DNAAF10: variants seen among roughly 807,000 people sequenced by gnomAD.
The protein encoded by DNAAF10 is WD repeat domain 92.
Under a neutral mutation model 43.7 loss-of-function variants are expected in DNAAF10, and 28 were observed. That is an observed-to-expected ratio of 0.64 (90% CI 0.48 to 0.88). DNAAF10 has a LOEUF of 0.88. DNAAF10 is among the 40% of genes least tolerant of loss of function. The pLI, the probability that DNAAF10 is intolerant of heterozygous loss-of-function variation, is 0.00. For synonymous variants in DNAAF10, 156 were observed against 157.3 expected, an observed-to-expected ratio of 0.99 and a Z score of 0.06; for missense variants, 403 against 439.1, an observed-to-expected ratio of 0.92 and a Z score of 0.73.
chr2:68,140,449 T>C (rs1223620059), intron 4 of DNAAF10, among the ~76,000 whole-genome samples: 2 of 152,230 alleles, frequency 1.3e-5, no homozygotes, highest in Non-Finnish European at 2.9e-5. Context: ...TATCCTTTTC[T>C]TTGTTCTTCA....
Position 68,157,374 on chromosome 2 carries a change from A to G in DNAAF10, c.70T>C (p.Cys24Arg), listed in dbSNP as rs1185827487. ...TTGGCGCTGCAGGGCACCCACTTAC[A>G]GTCAAACACCGTGTAGTTGAAGCCC... ...QKGFNYTVFD[C>R]KWVPCSAKFV... The change falls in exon 1 of 8, where the codon TGT becomes CGT. Residue 24 changes from cysteine to arginine, a missense_variant. Physicochemically the swap from Cys to Arg is radical, Grantham distance 180. Transcript: ENST00000295121. 3 of 1,614,152 alleles carry G rather than the reference A, an allele frequency of 1.9e-6. No individual in the cohort carries two copies. Among genetic ancestry groups the G allele is most frequent in the Non-Finnish European group, 2.5e-6 (3 of 1,180,004 alleles).
intron 1 of DNAAF10, among the ~76,000 whole-genome samples, chr2:68,153,661 T>A (rs1673510414): frequency 6.6e-6 from 1 of 151,306 alleles, no homozygotes. Context: ...TGATGCACAG[T>A]AAGGAGTGGG....
intron 7 of DNAAF10, 77 bp from the exon 8 acceptor site, chr2:68,131,522 G>A (rs1373053755): frequency 2.2e-6 from 3 of 1,355,356 alleles, no homozygotes; most frequent in South Asian, 2.4e-5. Flanking sequence ...ACACTTCAAT[G>A]ACTCTATTTC....
intron 2 of DNAAF10, among the ~76,000 whole-genome samples, chr2:68,146,262 A>G (rs1572924115): frequency 6.6e-6 from 1 of 152,350 alleles, no homozygotes; most frequent in Non-Finnish European, 1.5e-5. Context: ...ACTCCATCTC[A>G]AAGACAAAAA....
intron 5 of DNAAF10, 84 bp downstream of exon 5, chr2:68,138,658 C>T (rs150246088): frequency 1.0e-6 from 1 of 980,488 alleles, no homozygotes; most frequent in African/African-American, 1.6e-5. Flanking sequence ...AGATGAGTTA[C>T]TAGAGGTGTT....
Position 68,147,477 on chromosome 2 carries a change from G to C in DNAAF10, c.274C>G (p.Leu92Val). ...YLATGDFGGN[L>V]HIWNLEAPEM... ...ACTAAATCATCTTACCATATATGAA[G>C]GTTTCCACCAAAATCTCCAGTAGCT... is the stretch of plus-strand genomic sequence containing the variant. Residue 92 changes from leucine to valine, a missense_variant, in exon 2 of 8, where the codon CTT (leucine) becomes GTT (valine). Coordinates refer to ENST00000295121, the MANE Select transcript of DNAAF10 (RefSeq NM_138458.4). The C allele has an allele frequency of 6.2e-7, 1 of 1,610,280 alleles. No individual in the cohort carries two copies.
intron 1 of DNAAF10, chr2:68,156,919 G>T: frequency 3.0e-6 from 1 of 336,384 alleles, no homozygotes; most frequent in Non-Finnish European, 5.5e-6. Context: ...TGAGATGGGG[G>T]ACATTACCAT....
At chr2:68,134,564 A>G in intron 7 of DNAAF10, 138 bp downstream of exon 7, 1 of 1,503,496 alleles carries the variant, frequency 6.7e-7, no homozygotes, top group Non-Finnish European at 8.8e-7. Context: ...AAAACAAGTT[A>G]TGTAACACCA....
intron 1 of DNAAF10, among the ~76,000 whole-genome samples, chr2:68,150,566 C>T (rs755443610): frequency 8.6e-5 from 13 of 151,928 alleles, no homozygotes; most frequent in Non-Finnish European, 1.8e-4. Context: ...AACCCCCTCT[C>T]TACTAAAAAT....
intron 1 of DNAAF10, among the ~76,000 whole-genome samples, chr2:68,150,314 T>C (rs767663282): frequency 2.1e-4 from 32 of 152,230 alleles, no homozygotes; most frequent in Admixed American, 1.3e-3. Flanking sequence ...ACTAACATAA[T>C]ACATTAATCA....
chr2:68,154,432 G>A (rs1181150366), intron 1 of DNAAF10, among the ~76,000 whole-genome samples: 1 of 151,620 alleles, frequency 6.6e-6, no homozygotes. Flanking sequence ...ATTTTTAGTA[G>A]AGACGGGGTT....
rs1672916446 is a variant in DNAAF10, at chr2:68,130,876, T to A, written c.*362A>T. On this transcript the variant is annotated 3_prime_UTR_variant, in exon 8 of 8. Coordinates refer to ENST00000295121, the MANE Select transcript of DNAAF10 (RefSeq NM_138458.4). Reference sequence around the variant, plus strand: ...GAGGACTCCAGAACCTATCTTAAATTGTGTGAGTGTTCCTCTGGAAGGTTT... The same window carrying A: ...GAGGACTCCAGAACCTATCTTAAATAGTGTGAGTGTTCCTCTGGAAGGTTT... 1 of 188,248 alleles carries A rather than the reference T, an allele frequency of 5.3e-6. No individual in the cohort carries two copies. The highest frequency in any genetic ancestry group is 5.4e-5 in the Admixed American group (1 of 18,672). The allele number at this position is 188,248 out of a possible 1,614,324, so 11.7% of individuals were successfully genotyped here.
Position 68,134,766 on chromosome 2 carries a change from G to A in DNAAF10, c.802C>T (p.Leu268=). 6.2e-7 allele frequency: 1 copy of A among 1,610,620 alleles called. No individual in the cohort carries two copies. The highest frequency in any genetic ancestry group is 8.5e-7 in the Non-Finnish European group (1 of 1,179,336). The change falls in exon 7 of 8, where the codon CTG becomes TTG. Residue 268 remains leucine (L), a synonymous_variant. Coordinates refer to ENST00000295121, the MANE Select transcript of DNAAF10 (RefSeq NM_138458.4). ...AGAAAGAGCTCCCTGTTCTGCGGCA[G>A]GTGTCGGACCTGCCACACAGTAGAT... The part of the protein sequence containing the change: ...HKSTVWQVRH[L]PQNRELFLTA...
At chr2:68,148,963 TAACA>T (rs1175667253) in intron 1 of DNAAF10, among the ~76,000 whole-genome samples, 2 of 152,208 alleles carry the variant, frequency 1.3e-5, no homozygotes, top group Non-Finnish European at 2.9e-5. Context: ...GTGTTTCACT[TAACA>T]ATACATCTGG....
At chr2:68,148,848 A>T (rs1308790043) in intron 1 of DNAAF10, among the ~76,000 whole-genome samples, 1 of 152,262 alleles carries the variant, frequency 6.6e-6, no homozygotes, top group Non-Finnish European at 1.5e-5. Flanking sequence ...AGTCCCTTTA[A>T]CACTCTCCAG....
chr2:68,138,640 G>T (rs1410853128), intron 5 of DNAAF10, 102 bp downstream of exon 5: 4 of 820,096 alleles, frequency 4.9e-6, no homozygotes, highest in Non-Finnish European at 8.0e-6. Flanking sequence ...TGGCAGAGGG[G>T]TTGACTCAGA....
Position 68,157,261 on chromosome 2 carries a change from C to T in DNAAF10, c.183G>A (p.Glu61=). The T allele has an allele frequency of 6.2e-7, 1 of 1,611,984 alleles. No homozygotes were observed. The highest frequency in any genetic ancestry group is 8.5e-7 in the Non-Finnish European group (1 of 1,178,802). Residue 61 remains glutamate, a splice_region_variant and synonymous_variant, in exon 1 of 8, where the codon GAG becomes GAA. Coordinates refer to ENST00000295121, the MANE Select transcript of DNAAF10 (RefSeq NM_138458.4). The stretch of plus-strand genomic sequence containing the variant: ...TCCGGATCCTCGACCCGGCACCCAC[C>T]TCCCGAAGCAGCTTCAGGTCCCCGT... The part of the protein sequence containing the change: ...IQHGDLKLLR[E]IEKAKPIKCG...
chr2:68,145,938 G>C (rs1021023509), intron 2 of DNAAF10, among the ~76,000 whole-genome samples: 3 of 151,550 alleles, frequency 2.0e-5, no homozygotes, highest in Non-Finnish European at 4.4e-5. Context: ...TTTATTATTG[G>C]GCCAAGATTT....
At chr2:68,147,974 A>G (rs181173008) in intron 1 of DNAAF10, among the ~76,000 whole-genome samples, 7 of 152,250 alleles carry the variant, frequency 4.6e-5, no homozygotes, top group Admixed American at 3.3e-4. Flanking sequence ...TCCCTGCAGA[A>G]CCCTATAAAC....
Sources: gnomAD v4.1 joint callset for allele counts (sites outside exome capture counted in the v4.1 genomes callset) on GRCh38, gnomAD v4.1.1 for gene constraint, MANE v1.5 for transcripts, NCBI Gene and HGNC (gene_info 2026-07-23, HGNC 2026-07-21) for gene names.